The following PLCG2 variants were observed in gnomAD, a reference collection of about 807,000 sequenced individuals.
The protein encoded by PLCG2 is phospholipase C gamma 2, also known as 1-phosphatidylinositol 4,5-bisphosphate phosphodiesterase gamma-2.
Under a neutral mutation model 175.6 loss-of-function variants are expected in PLCG2, and 69 were observed. The ratio of observed to expected loss-of-function variants is 0.39; its 90% CI spans 0.32 to 0.48. The LOEUF is 0.48. PLCG2 is among the 20% of genes least tolerant of loss of function. The pLI is 0.91. For synonymous variants in PLCG2, 827 were observed against 624.0 expected, an observed-to-expected ratio of 1.33 and a Z score of -4.85; for missense variants, 1,798 against 1,650.9, an observed-to-expected ratio of 1.09 and a Z score of -1.54.
At chr16:81,835,771 G>A (rs1251756210) in intron 2 of PLCG2, among the ~76,000 whole-genome samples, 1 of 152,080 alleles carries the variant, frequency 6.6e-6, no homozygotes, top group Non-Finnish European at 1.5e-5. Context: ...TGTTGGTAGG[G>A]CAGTGCTCCC....
chr16:81,892,870 C>G (rs1007478612), intron 11 of PLCG2, among the ~76,000 whole-genome samples: 2 of 143,884 alleles, frequency 1.4e-5, no homozygotes, highest in African/African-American at 5.2e-5. Context: ...TTTTTTGAGA[C>G]AGAGTCTCAC....
chr16:81,890,039 T>G (rs1473909553), intron 10 of PLCG2, among the ~76,000 whole-genome samples: 1 of 151,846 alleles, frequency 6.6e-6, no homozygotes, highest in African/African-American at 2.4e-5. Flanking sequence ...CATATGGTTG[T>G]GGAAAATAGT....
intron 2 of PLCG2, among the ~76,000 whole-genome samples, chr16:81,807,492 C>T (rs943864217): frequency 2.0e-5 from 3 of 152,242 alleles, no homozygotes; most frequent in Non-Finnish European, 2.9e-5. Flanking sequence ...TCATTGTCAT[C>T]ACTGTCACTA....
chr16:81,842,394 C>T (rs775899343), intron 2 of PLCG2, among the ~76,000 whole-genome samples: 8 of 152,274 alleles, frequency 5.3e-5, no homozygotes, highest in South Asian at 2.1e-4. Context: ...CTCCCAGACT[C>T]GGAGCCGTCT....
At chr16:81,799,203 G>C (rs1416834839) in intron 2 of PLCG2, among the ~76,000 whole-genome samples, 1 of 152,136 alleles carries the variant, frequency 6.6e-6, no homozygotes, top group East Asian at 1.9e-4. Context: ...CCTACTTCTG[G>C]GTGAGAAAAA....
rs1160757509 is a variant in PLCG2, at chr16:81,919,616, G to A, written c.2187G>A (p.Met729Ile). 4.3e-6 allele frequency: 7 copies of A among 1,614,194 alleles called. No homozygotes were observed. The highest frequency in any genetic ancestry group is 1.7e-5 in the Admixed American group (1 of 60,018). ...YYEKHSLYRK[M>I]RLRYPVTPEL... is the part of the protein sequence containing the mutation. ...AGAAGCATTCACTCTACCGAAAGAT[G>A]AGACTGCGCTACCCCGTGACCCCCG... is the stretch of plus-strand genomic sequence containing the variant. The change falls in exon 20 of 33, where the codon ATG (methionine) becomes ATA (isoleucine). Residue 729 changes from methionine (M) to isoleucine (I), a missense_variant. Coordinates refer to ENST00000564138, the MANE Select transcript of PLCG2 (RefSeq NM_002661.5).
intron 28 of PLCG2, 71 bp downstream of exon 28, chr16:81,937,974 G>A (rs778930780): frequency 3.0e-5 from 44 of 1,477,324 alleles, no homozygotes; most frequent in Non-Finnish European, 3.9e-5. Context: ...ATGCTGTCTT[G>A]AGAGCAGGGA....
intron 2 of PLCG2, among the ~76,000 whole-genome samples, chr16:81,838,778 A>AATATATATATATATATATATATATATAT (rs10549962): frequency 7.1e-6 from 1 of 141,694 alleles, no homozygotes; most frequent in African/African-American, 2.6e-5. Context: ...AGTAAAATTA[A>AATATATATATATATATATATATATATAT]ATATATATAT....
chr16:81,762,338 G>A (rs1280620657), intron 2 of PLCG2, among the ~76,000 whole-genome samples: 2 of 152,076 alleles, frequency 1.3e-5, no homozygotes, highest in South Asian at 2.1e-4. Flanking sequence ...GGAGGTCAAG[G>A]TAGGCGGATC....
Position 81,772,532 on chromosome 16 carries a change from A to T in PLCG2, c.-47-13411A>T, listed in dbSNP as rs1381731601. On this transcript the variant is annotated intron_variant, in intron 2 of 5. Transcript: ENST00000565054. ...GTTTGTCCAATGAATGAAAGGGGCC[A>T]GGCACGGTGGCTCACGCCTATAATC... Among the ~76,000 whole-genome samples, 4 of 151,996 alleles carry T rather than the reference A, an allele frequency of 2.6e-5. No homozygotes were observed. The East Asian group carries it at 7.7e-4, about 29-fold the overall frequency.
chr16:81,787,535 C>CT (rs34698199), intron 2 of PLCG2, among the ~76,000 whole-genome samples: 20,601 of 141,340 alleles, frequency 0.15, 1,592 homozygotes, highest in Middle Eastern at 0.18. Context: ...GCCTTGCACT[C>CT]TTTTTTTTTT....
At chr16:81,811,161 C>T (rs924434614) in intron 2 of PLCG2, among the ~76,000 whole-genome samples, 1 of 152,166 alleles carries the variant, frequency 6.6e-6, no homozygotes, top group Admixed American at 6.5e-5. Flanking sequence ...TTGAACAAGC[C>T]TGGGCTTGCC....
At chr16:81,792,192 A>G (rs962822104) in intron 2 of PLCG2, among the ~76,000 whole-genome samples, 8 of 152,136 alleles carry the variant, frequency 5.3e-5, no homozygotes, top group African/African-American at 1.7e-4. Context: ...TAATAAAGAC[A>G]TACTCCAGCC....
intron 2 of PLCG2, among the ~76,000 whole-genome samples, chr16:81,765,709 G>A (rs1910135484): frequency 6.6e-6 from 1 of 152,348 alleles, no homozygotes; most frequent in South Asian, 2.1e-4. Context: ...ACATCAGCGA[G>A]TTATGGTGTT....
At chr16:81,872,612 T>G (rs1907570864) in intron 7 of PLCG2, among the ~76,000 whole-genome samples, 1 of 152,230 alleles carries the variant, frequency 6.6e-6, no homozygotes, top group Non-Finnish European at 1.5e-5. Context: ...CAGTACCTGG[T>G]AGGTGGCACA....
chr16:81,857,306 G>A (rs149333892), intron 3 of PLCG2, among the ~76,000 whole-genome samples: 4 of 152,210 alleles, frequency 2.6e-5, no homozygotes, highest in African/African-American at 9.7e-5. Context: ...CTGCTCTGGA[G>A]TTGGACACCT....
intron 23 of PLCG2, among the ~76,000 whole-genome samples, chr16:81,928,043 G>C (rs1325264433): frequency 1.3e-5 from 2 of 151,834 alleles, no homozygotes; most frequent in African/African-American, 2.4e-5. Context: ...CCTAAGCCCA[G>C]GATATTCTTC....
intron 2 of PLCG2, among the ~76,000 whole-genome samples, chr16:81,788,480 C>G (rs953661685): frequency 5.3e-5 from 8 of 152,096 alleles, no homozygotes; most frequent in African/African-American, 1.9e-4. Context: ...CGGGGTCTCA[C>G]TGTGTTAGGC....
intron 13 of PLCG2, among the ~76,000 whole-genome samples, chr16:81,899,294 A>G (rs1458609461): frequency 6.6e-6 from 1 of 151,368 alleles, no homozygotes; most frequent in Non-Finnish European, 1.5e-5. Flanking sequence ...ATATATACAC[A>G]CACACACACA....
Sources: allele counts gnomAD v4.1 joint callset (sites outside exome capture counted in the v4.1 genomes callset), GRCh38; gene constraint gnomAD v4.1.1; transcripts MANE v1.5; gene names NCBI Gene and HGNC (gene_info 2026-07-23, HGNC 2026-07-21).